UNC13A: variants seen among roughly 807,000 people sequenced by gnomAD.
UNC13A encodes unc-13 homolog A, also known as protein unc-13 homolog A.
UNC13A carries 61 observed loss-of-function variants against 219.7 expected under a neutral mutation model. The ratio of observed to expected loss-of-function variants is 0.28; its 90% confidence interval spans 0.23 to 0.34. UNC13A has a LOEUF of 0.34. Among genes scored for constraint, UNC13A ranks in the 10% least tolerant of loss-of-function variants. The pLI, the probability that UNC13A is intolerant of heterozygous loss-of-function variation, is 1.00. For missense variants in UNC13A, 1,476 were observed against 2,270.3 expected (o/e 0.65, Z 7.11); for synonymous variants, 920 against 884.6 (o/e 1.04, Z -0.71).
At chr19:17,672,537 G>A (rs572736358) in intron 3 of UNC13A, 42 bp from the exon 4 acceptor site, 7 of 1,536,242 alleles carry the variant, frequency 4.6e-6, no homozygotes, top group African/African-American at 1.4e-5. Context: ...GCAGGAGGGA[G>A]GAAACGGGGG....
intron 42 of UNC13A, among the ~76,000 whole-genome samples, chr19:17,610,566 G>C (rs10412208): frequency 0.1 from 15,391 of 152,186 alleles, 825 homozygotes; most frequent in South Asian, 0.15. Flanking sequence ...AGCTAAGTGT[G>C]GTCATATGAC....
At chr19:17,664,036 C>T (rs983127571) in intron 7 of UNC13A, among the ~76,000 whole-genome samples, 2 of 151,946 alleles carry the variant, frequency 1.3e-5, no homozygotes, top group African/African-American at 4.8e-5. Context: ...TCAGGCTGGT[C>T]TCAAACACGT....
rs1224459523 is a variant in UNC13A, at chr19:17,627,502, C to T, written c.3920+7G>A. The T allele has an allele frequency of 6.4e-7, 1 of 1,555,410 alleles. No homozygotes were observed. The highest frequency in any genetic ancestry group is 8.7e-7 in the Non-Finnish European group (1 of 1,148,794). On this transcript the variant is annotated splice_region_variant and intron_variant, in intron 33 of 43. Transcript: ENST00000519716. The surrounding 1 kb of genome is among the most constrained non-coding windows in gnomAD (Gnocchi z 4.7). ...CCCACTGCCCCCAGCCCTGGAGATG[C>T]TCCCACCTGGTAGCAAACACCCGGC...
rs773068160 is a variant in UNC13A, at chr19:17,649,623, T to C, written c.1440-36A>G. The C allele has an allele frequency of 3.7e-6, 6 of 1,610,876 alleles. No homozygotes were observed. In the East Asian group the frequency reaches 1.3e-4, roughly 36 times the overall value. Reference sequence around the variant, plus strand: ...CAGAGGGACACTGAGGGCCCAGATGTCCCTATTCCTCACATAGAGCCCTGG... The same window carrying C: ...CAGAGGGACACTGAGGGCCCAGATGCCCCTATTCCTCACATAGAGCCCTGG... On this transcript the variant is annotated intron_variant, in intron 12 of 43. Transcript: ENST00000519716. The surrounding 1 kb of genome is among the most constrained non-coding windows in gnomAD (Gnocchi z 4.4).
chr19:17,672,759 C>A (rs532663051), intron 3 of UNC13A, among the ~76,000 whole-genome samples: 16 of 152,274 alleles, frequency 1.1e-4, no homozygotes, highest in African/African-American at 3.8e-4. Flanking sequence ...TGTTACACAT[C>A]GCCTGCACCT....
intron 5 of UNC13A, 111 bp from the exon 6 acceptor site, chr19:17,668,301 A>G: frequency 2.0e-6 from 2 of 1,002,118 alleles, no homozygotes; most frequent in East Asian, 5.4e-5. Flanking sequence ...GTCTTTGGCA[A>G]AGCCTCAGAA....
intron 2 of UNC13A, among the ~76,000 whole-genome samples, chr19:17,675,360 G>T (rs1031340651): frequency 1.3e-5 from 2 of 151,488 alleles, no homozygotes; most frequent in African/African-American, 4.8e-5. Flanking sequence ...GGCAGGGCAC[G>T]GTAGCTCACG....
At chr19:17,648,803 TCA>T (rs1348301593) in intron 15 of UNC13A, 107 bp downstream of exon 15, 34 of 1,492,974 alleles carry the variant, frequency 2.3e-5, no homozygotes, top group Middle Eastern at 2.0e-4. Context: ...CCAGTCTGTG[TCA>T]CACACACACC....
chr19:17,630,340 C>A, intron 29 of UNC13A, 52 bp from the exon 30 acceptor site: 1 of 1,546,818 alleles, frequency 6.5e-7, no homozygotes. Context: ...CCAGAGAATC[C>A]CTAGAGCCCA....
intron 31 of UNC13A, chr19:17,628,288 G>C: frequency 3.2e-6 from 1 of 309,302 alleles, no homozygotes; most frequent in South Asian, 4.3e-5. Context: ...ATTTGCAACA[G>C]CCAGACAGTG....
chr19:17,639,043 T>G, intron 25 of UNC13A, 40 bp downstream of exon 25: 1 of 1,540,166 alleles, frequency 6.5e-7, no homozygotes, highest in Non-Finnish European at 8.8e-7. Flanking sequence ...CTGTGTCTAG[T>G]TGGCATCACT....
chr19:17,686,586 C>G (rs1039599944), intron 1 of UNC13A, among the ~76,000 whole-genome samples: 2 of 151,924 alleles, frequency 1.3e-5, no homozygotes, highest in Non-Finnish European at 2.9e-5. Flanking sequence ...TCCCTACTCC[C>G]CTAACTCCAT....
intron 42 of UNC13A, 97 bp from the exon 43 acceptor site, chr19:17,610,196 T>C: frequency 6.5e-7 from 1 of 1,531,368 alleles, no homozygotes; most frequent in Non-Finnish European, 8.9e-7. Flanking sequence ...CTGGGCGCAG[T>C]GGCTCACGCT....
At chr19:17,607,005 C>A (rs937363728) in intron 43 of UNC13A, among the ~76,000 whole-genome samples, 8 of 152,142 alleles carry the variant, frequency 5.3e-5, no homozygotes, top group East Asian at 1.9e-4. Context: ...CTCTTGTCCA[C>A]CTCCCAGGTT....
In UNC13A at chr19:17,604,029, C is replaced by G. The variant is rs1417015837; in HGVS notation, c.*2025G>C. 1 of 152,290 alleles carries G rather than the reference C, an allele frequency of 6.6e-6. No individual in the cohort carries two copies. Among genetic ancestry groups the G allele is most frequent in the Non-Finnish European group, 1.5e-5 (1 of 68,162 alleles). The allele number at this position is 152,290 out of a possible 1,614,324, so 9.4% of individuals were successfully genotyped here. On this transcript the variant is annotated 3_prime_UTR_variant, in exon 44 of 44. Coordinates refer to ENST00000519716, the MANE Select transcript of UNC13A (RefSeq NM_001080421.3). ...GTTTCGCCATGTTGGCCAGGCTGGT[C>G]TCAAACTCCTGACCTTAAGTGATCT...
At chr19:17,672,607 C>T (rs1191242369) in intron 3 of UNC13A, 112 bp from the exon 4 acceptor site, 15 of 762,468 alleles carry the variant, frequency 2.0e-5, no homozygotes, top group South Asian at 3.5e-5. Context: ...CAAACCTAGG[C>T]CTGGGAGTGT....
At chr19:17,658,369 A>G (rs2079498297) in intron 8 of UNC13A, 100 bp from the exon 9 acceptor site, 1 of 1,182,590 alleles carries the variant, frequency 8.5e-7, no homozygotes, top group African/African-American at 1.5e-5. Context: ...CTACCGAAGA[A>G]GAGAATTTTT....
At chr19:17,614,748 C>G (rs939906385) in intron 41 of UNC13A, among the ~76,000 whole-genome samples, 1 of 152,100 alleles carries the variant, frequency 6.6e-6, no homozygotes, top group Non-Finnish European at 1.5e-5. Context: ...CTTTGCTGCA[C>G]GCCCCAGGCC....
intron 41 of UNC13A, among the ~76,000 whole-genome samples, chr19:17,614,622 G>T (rs945111710): frequency 2.0e-5 from 3 of 152,066 alleles, no homozygotes; most frequent in African/African-American, 7.2e-5. Context: ...GTGGGAGGTT[G>T]GGTCAGTCAA....
Sources: allele counts gnomAD v4.1 joint callset (sites outside exome capture counted in the v4.1 genomes callset), GRCh38; gene constraint gnomAD v4.1.1; non-coding constraint Gnocchi (gnomAD v3.1); transcripts MANE v1.5; gene names NCBI Gene and HGNC (gene_info 2026-07-23, HGNC 2026-07-21).